Variants in EIF4E2 observed in about 807,000 individuals in gnomAD.
EIF4E2 encodes eukaryotic translation initiation factor 4E type 2.
In EIF4E2, 13 loss-of-function variants were observed where a neutral mutation model predicts 34.2. That is an observed-to-expected ratio of 0.38 (90% CI 0.25 to 0.60). The LOEUF is 0.60. Among genes scored for constraint, EIF4E2 ranks in the 20% least tolerant of loss-of-function variants. EIF4E2 has a pLI of 0.62. For missense variants in EIF4E2, 222 were observed against 315.1 expected (o/e 0.70, Z 2.24); for synonymous variants, 100 against 106.6 (o/e 0.94, Z 0.38).
At chr2:232,556,393 T>G (rs1339893934) in intron 1 of EIF4E2, 23 bp from the exon 2 acceptor site, 1 of 1,583,732 alleles carries the variant, frequency 6.3e-7, no homozygotes, top group South Asian at 1.1e-5. Context: ...CACAGAATTG[T>G]ATTGTGTTGC....
At position 232,561,820 on chromosome 2, in the gene EIF4E2, C is replaced by T. The variant is rs183158713; in HGVS notation, c.271-2427C>T. ...TCTCAACTATAAAACAAGTTGCTGA[C>T]ATGATTTCTGAGGTCCTTTCGGCAC... is the stretch of plus-strand genomic sequence containing the variant. On this transcript the variant is annotated intron_variant, in intron 3 of 6. Transcript: ENST00000258416. 1.1e-4 allele frequency among the ~76,000 whole-genome samples: 17 copies of T among 152,208 alleles called. No homozygotes were observed. In the East Asian group the frequency reaches 1.4e-3, roughly 12 times the overall value.
Position 232,581,451 on chromosome 2 carries a change from A to T in EIF4E2, c.*508A>T. 1 of 293,876 alleles carries T rather than the reference A, an allele frequency of 3.4e-6. No homozygotes were observed. Among genetic ancestry groups the T allele is most frequent in the South Asian group, 3.2e-5 (1 of 31,712 alleles). The allele number at this position is 293,876 out of a possible 1,614,324, so 18.2% of individuals were successfully genotyped here. ...TTTGTTTCTTTCTCTCCCCTCCTCC[A>T]AGCCCACCACTTTCTGAAGCTGTGT... On this transcript the variant is annotated 3_prime_UTR_variant, in exon 7 of 7. Coordinates refer to the EIF4E2 transcript ENST00000409098. The surrounding 1 kb of genome is among the most constrained non-coding windows in gnomAD (Gnocchi z 5.2).
downstream of EIF4E2, among the ~76,000 whole-genome samples, chr2:232,570,048 A>T (rs75766007): frequency 0.042 from 6,335 of 152,212 alleles, 359 homozygotes; most frequent in African/African-American, 0.12. Flanking sequence ...ATAATAAACA[A>T]TCATTTTTTT....
chr2:232,569,296 CTT>C (rs1009916414), downstream of EIF4E2: 2 of 1,232,638 alleles, frequency 1.6e-6, no homozygotes, highest in African/African-American at 1.5e-5. Flanking sequence ...ATGGCACAGA[CTT>C]TTCCATGGAG....
chr2:232,568,815 G>A, intron 6 of EIF4E2, 130 bp from the exon 7 acceptor site: 1 of 1,495,246 alleles, frequency 6.7e-7, no homozygotes, highest in South Asian at 1.3e-5. Context: ...CCAGAGGTCT[G>A]CCTCTGGGAC....
chr2:232,580,986 T>G, exon 7 of EIF4E2: 1 of 1,538,380 alleles, frequency 6.5e-7, no homozygotes, highest in Non-Finnish European at 8.8e-7. Flanking sequence ...ATGTGTGTGT[T>G]TGTCCGAAAT....
intron 6 of EIF4E2, chr2:232,574,318 C>G (rs1409907757): frequency 6.4e-7 from 1 of 1,550,508 alleles, no homozygotes; most frequent in Non-Finnish European, 8.7e-7. Flanking sequence ...ATCGGACGCT[C>G]CCCCTCTGTC....
intron 6 of EIF4E2, among the ~76,000 whole-genome samples, chr2:232,576,140 G>A (rs907004214): frequency 1.1e-4 from 16 of 151,870 alleles, no homozygotes; most frequent in African/African-American, 3.9e-4. Context: ...GGAGGCGGAG[G>A]TTGCAGTGAG....
At chr2:232,580,157 CTAAAG>C (rs1400026314) in intron 6 of EIF4E2, among the ~76,000 whole-genome samples, 2 of 151,018 alleles carry the variant, frequency 1.3e-5, no homozygotes, top group African/African-American at 4.9e-5. Context: ...AGCCATGTTT[CTAAAG>C]TAAAGTGAAA....
At chr2:232,567,275 T>G (rs758911997) in intron 6 of EIF4E2, 61 bp downstream of exon 6, 36 of 1,604,996 alleles carry the variant, frequency 2.2e-5, no homozygotes, top group Non-Finnish European at 2.7e-5. Flanking sequence ...AGATCTGTAG[T>G]TGGGCCCAGA....
intron 4 of EIF4E2, among the ~76,000 whole-genome samples, chr2:232,565,213 C>T (rs1049421078): frequency 2.0e-5 from 3 of 152,212 alleles, no homozygotes; most frequent in Non-Finnish European, 2.9e-5. Flanking sequence ...AGCCTCATCT[C>T]CCATCATCTC....
intron 4 of EIF4E2, among the ~76,000 whole-genome samples, chr2:232,565,615 C>T (rs954336045): frequency 6.6e-6 from 1 of 151,968 alleles, no homozygotes; most frequent in Non-Finnish European, 1.5e-5. Context: ...GCCTGGGTGA[C>T]AGAGCGAGAC....
intron 1 of EIF4E2, among the ~76,000 whole-genome samples, chr2:232,552,253 C>A (rs1275457702): frequency 6.6e-6 from 1 of 152,000 alleles, no homozygotes; most frequent in Non-Finnish European, 1.5e-5. Context: ...GCTGTGTCAC[C>A]CTGGCTGGAG....
intron 6 of EIF4E2, among the ~76,000 whole-genome samples, chr2:232,575,999 A>G (rs1286103852): frequency 6.6e-6 from 1 of 152,094 alleles, no homozygotes; most frequent in African/African-American, 2.4e-5. Context: ...AGGTCAAGAG[A>G]TCGAGACCAT....
chr2:232,550,908 A>G (rs2106229118), intron 1 of EIF4E2, 164 bp downstream of exon 1: 1 of 721,378 alleles, frequency 1.4e-6, no homozygotes, highest in Non-Finnish European at 2.3e-6. Flanking sequence ...GGGGCTGGGG[A>G]GCAATGGATA....
At chr2:232,567,401 C>CTTTG (rs1390784104) in intron 6 of EIF4E2, 187 bp downstream of exon 6, 1 of 1,407,282 alleles carries the variant, frequency 7.1e-7, no homozygotes, top group African/African-American at 1.5e-5. Flanking sequence ...GCCACCTATA[C>CTTTG]TACCAGGTGC....
chr2:232,575,171 G>A (rs527242171), intron 6 of EIF4E2, among the ~76,000 whole-genome samples: 1 of 152,330 alleles, frequency 6.6e-6, no homozygotes, highest in East Asian at 1.9e-4. Flanking sequence ...GTCAACTGTA[G>A]TAGCTACCTC....
chr2:232,557,495 T>G (rs1190442), intron 2 of EIF4E2: 60,578 of 211,738 alleles, frequency 0.29, 9,547 homozygotes, highest in Admixed American at 0.41. Context: ...AGCAGTATTG[T>G]GAGATGGTTG....
intron 3 of EIF4E2, 42 bp downstream of exon 3, chr2:232,558,060 G>A (rs760143860): frequency 2.7e-5 from 44 of 1,607,136 alleles, no homozygotes; most frequent in African/African-American, 8.0e-5. Flanking sequence ...TTGATAGTTC[G>A]TTCATGCCTG....
Sources: gnomAD v4.1 joint callset for allele counts (sites outside exome capture counted in the v4.1 genomes callset) on GRCh38, gnomAD v4.1.1 for gene constraint, Gnocchi (gnomAD v3.1) non-coding constraint, MANE v1.5 for transcripts, NCBI Gene and HGNC (gene_info 2026-07-23, HGNC 2026-07-21) for gene names.